DDX10: variants seen among roughly 807,000 people sequenced by gnomAD.
The protein encoded by DDX10 is probable ATP-dependent RNA helicase DDX10.
DDX10 carries 74 observed loss-of-function variants against 104.3 expected under a neutral mutation model. That is an observed-to-expected ratio of 0.71 (90% CI 0.59 to 0.86). The LOEUF (loss-of-function observed/expected upper bound fraction) is 0.86, where lower values mean the gene tolerates loss of function less well. Ranked by LOEUF, DDX10 falls within the 40% of genes least tolerant of loss-of-function variation. The probability of loss-of-function intolerance (pLI) is 0.00; values close to 1 mark genes in which losing one functional copy is unlikely to be tolerated. For synonymous variants in DDX10, 351 were observed against 353.4 expected (o/e 0.99, Z 0.08); for missense variants, 952 against 1,040.0 (o/e 0.92, Z 1.16).
In DDX10 at chr11:108,674,190, C is replaced by T. The variant is rs370359727; in HGVS notation, c.247+663C>T. On this transcript the variant is annotated intron_variant, in intron 2 of 17. Coordinates refer to ENST00000322536, the MANE Select transcript of DDX10 (RefSeq NM_004398.4). ...TACAAAAATTAGCTGGGTGTGGTGGCGGGCACCTGTAATCCCAGCTACAGG... is the reference window on the plus strand; with the variant it reads ...TACAAAAATTAGCTGGGTGTGGTGGTGGGCACCTGTAATCCCAGCTACAGG... Among the ~76,000 whole-genome samples, 43 of 151,932 alleles carry T rather than the reference C, an allele frequency of 2.8e-4. No homozygotes were observed. The East Asian group carries it at 6.0e-3, about 21-fold the overall frequency.
chr11:108,861,526 C>T (rs760041550), intron 16 of DDX10, among the ~76,000 whole-genome samples: 15 of 152,178 alleles, frequency 9.9e-5, no homozygotes, highest in Middle Eastern at 3.4e-3. Flanking sequence ...TGATATTGAG[C>T]AAAAGATGCC....
chr11:108,820,752 T>G (rs1168289078), intron 13 of DDX10, among the ~76,000 whole-genome samples: 1 of 152,226 alleles, frequency 6.6e-6, no homozygotes, highest in Non-Finnish European at 1.5e-5. Context: ...TGGTTCCAGC[T>G]CATGGTCTAG....
intron 15 of DDX10, among the ~76,000 whole-genome samples, chr11:108,846,303 G>A (rs2134600492): frequency 6.6e-6 from 1 of 152,216 alleles, no homozygotes; most frequent in African/African-American, 2.4e-5. Flanking sequence ...CTATTTTGAA[G>A]TATATAATAC....
chr11:108,877,380 G>A (rs1401294680), intron 16 of DDX10, among the ~76,000 whole-genome samples: 2 of 152,040 alleles, frequency 1.3e-5, no homozygotes, highest in African/African-American at 4.8e-5. Flanking sequence ...TTAAATTTAT[G>A]TAATACTTTT....
At chr11:108,744,887 C>T (rs981873289) in intron 13 of DDX10, among the ~76,000 whole-genome samples, 1 of 152,026 alleles carries the variant, frequency 6.6e-6, no homozygotes, top group Non-Finnish European at 1.5e-5. Flanking sequence ...TGGTAAGTGT[C>T]TAAGGCTGTG....
intron 9 of DDX10, 27 bp downstream of exon 9, chr11:108,693,627 T>C (rs752149447): frequency 4.0e-6 from 6 of 1,507,684 alleles, no homozygotes; most frequent in Non-Finnish European, 5.5e-6. Context: ...ATTTCTTTTC[T>C]TTTGCTACTA....
At chr11:108,795,633 C>T (rs1454703106) in intron 13 of DDX10, among the ~76,000 whole-genome samples, 3 of 151,910 alleles carry the variant, frequency 2.0e-5, no homozygotes, top group East Asian at 1.9e-4. Context: ...AGAATGATGG[C>T]TTCCAGCTTC....
intron 13 of DDX10, among the ~76,000 whole-genome samples, chr11:108,728,070 A>G (rs2094307529): frequency 6.6e-6 from 1 of 152,254 alleles, no homozygotes; most frequent in South Asian, 2.1e-4. Flanking sequence ...CCCAGAAAGC[A>G]CACACAGTAT....
intron 13 of DDX10, among the ~76,000 whole-genome samples, chr11:108,725,146 C>T (rs963830712): frequency 6.6e-6 from 1 of 151,994 alleles, no homozygotes; most frequent in Non-Finnish European, 1.5e-5. Context: ...TTATTGCATG[C>T]ATCAGTAGTT....
In DDX10 at chr11:108,715,864, CT is replaced by C; in HGVS notation, c.1323-10del. The stretch of plus-strand genomic sequence containing the variant: ...TGAGATATCTTATTTTAACCTTTAT[CT>C]TTTTGTTACAAAGAATCAATCCAGA... On this transcript the variant is annotated splice_polypyrimidine_tract_variant and intron_variant, in intron 10 of 17. Transcript: ENST00000322536. The C allele has an allele frequency of 7.5e-7, 1 of 1,339,124 alleles. No individual in the cohort carries two copies. Among genetic ancestry groups the C allele is most frequent in the Non-Finnish European group, 1.1e-6 (1 of 944,876 alleles). The allele number at this position is 1,339,124 out of a possible 1,614,324, so 83.0% of individuals were successfully genotyped here.
At chr11:108,746,717 TC>T (rs942614159) in intron 13 of DDX10, among the ~76,000 whole-genome samples, 2 of 152,122 alleles carry the variant, frequency 1.3e-5, no homozygotes, top group African/African-American at 4.8e-5. Context: ...TCACTGTCAC[TC>T]ATTATCTGTC....
chr11:108,713,351 G>C (rs2094286976), intron 10 of DDX10, among the ~76,000 whole-genome samples: 1 of 152,084 alleles, frequency 6.6e-6, no homozygotes, highest in African/African-American at 2.4e-5. Context: ...TTGTTCCATA[G>C]TCCTTGAAGT....
intron 1 of DDX10, among the ~76,000 whole-genome samples, chr11:108,670,007 A>G (rs1362735535): frequency 6.6e-6 from 1 of 152,248 alleles, no homozygotes; most frequent in Non-Finnish European, 1.5e-5. Context: ...CCAGAGCTCT[A>G]AGGTAATATA....
intron 13 of DDX10, among the ~76,000 whole-genome samples, chr11:108,828,437 A>G (rs1862426205): frequency 6.6e-6 from 1 of 152,216 alleles, no homozygotes; most frequent in African/African-American, 2.4e-5. Context: ...TTTACTTAGA[A>G]TAATAATCTC....
chr11:108,825,981 T>A (rs908649179), intron 13 of DDX10, among the ~76,000 whole-genome samples: 2 of 152,204 alleles, frequency 1.3e-5, no homozygotes, highest in African/African-American at 4.8e-5. Context: ...TAGATATAAT[T>A]CATGAAGTGT....
intron 15 of DDX10, among the ~76,000 whole-genome samples, chr11:108,846,253 A>G (rs991076598): frequency 6.6e-6 from 1 of 152,190 alleles, no homozygotes; most frequent in Non-Finnish European, 1.5e-5. Context: ...AATATTTATC[A>G]TTACTTTGTG....
chr11:108,814,955 AAAAGCGGAATCAGG>A (rs1318780635), intron 13 of DDX10, among the ~76,000 whole-genome samples: 1 of 152,226 alleles, frequency 6.6e-6, no homozygotes, highest in Non-Finnish European at 1.5e-5. Flanking sequence ...GATGAGGCAG[AAAAGCGGAATCAGG>A]AAAGACTTAT....
chr11:108,743,990 G>T (rs2094328363), intron 13 of DDX10, among the ~76,000 whole-genome samples: 1 of 152,148 alleles, frequency 6.6e-6, no homozygotes. Context: ...AACCAGAAAT[G>T]AAAGTAGGCT....
At chr11:108,915,180 AC>A (rs1243177083) in intron 16 of DDX10, among the ~76,000 whole-genome samples, 1 of 152,226 alleles carries the variant, frequency 6.6e-6, no homozygotes, top group South Asian at 2.1e-4. Context: ...CCCAAGAAAT[AC>A]AAACACAAAA....
Sources: allele counts gnomAD v4.1 joint callset (sites outside exome capture counted in the v4.1 genomes callset), GRCh38; gene constraint gnomAD v4.1.1; transcripts MANE v1.5; gene names NCBI Gene and HGNC (gene_info 2026-07-23, HGNC 2026-07-21).